DNAJC11: variants seen among roughly 807,000 people sequenced by gnomAD.
The protein encoded by DNAJC11 is dnaJ homolog subfamily C member 11.
In DNAJC11, 15 loss-of-function variants were observed where a neutral mutation model predicts 78.6. That is an observed-to-expected ratio of 0.19 (90% CI 0.13 to 0.29). The LOEUF (loss-of-function observed/expected upper bound fraction) is 0.29, where lower values mean the gene tolerates loss of function less well. Among genes scored for constraint, DNAJC11 ranks in the 10% least tolerant of loss-of-function variants. DNAJC11 has a pLI of 1.00. For synonymous variants in DNAJC11, 292 were observed against 272.1 expected (o/e 1.07, Z -0.72); for missense variants, 547 against 709.6 (o/e 0.77, Z 2.60).
intron 4 of DNAJC11, among the ~76,000 whole-genome samples, chr1:6,655,621 G>A (rs1642114591): frequency 6.6e-6 from 1 of 152,052 alleles, no homozygotes; most frequent in African/African-American, 2.4e-5. Context: ...TCAGGAGTTC[G>A]AGACCAGCCT....
chr1:6,688,466 C>T (rs1642692024), intron 1 of DNAJC11, among the ~76,000 whole-genome samples: 1 of 152,122 alleles, frequency 6.6e-6, no homozygotes, highest in African/African-American at 2.4e-5. Context: ...GCTTTAGAAA[C>T]CACTAGGGGC....
At chr1:6,647,330 G>A (rs1641981381) in intron 7 of DNAJC11, among the ~76,000 whole-genome samples, 1 of 151,882 alleles carries the variant, frequency 6.6e-6, no homozygotes, top group Non-Finnish European at 1.5e-5. Context: ...TGATCCACCT[G>A]CCTCAGCCTC....
chr1:6,687,451 G>A lies in DNAJC11; in HGVS notation c.73-6414C>T, dbSNP rs139381695. ...GGCTCACTGCAAGCTCCGCCTCCCG[G>A]GTTCATGCCATTCTCCTGCCTCAGC... On this transcript the variant is annotated intron_variant, in intron 1 of 15. Transcript: ENST00000377577. Among the ~76,000 whole-genome samples the A allele has an allele frequency of 8.6e-4, 130 of 151,214 alleles. 1 individual carries two copies. The East Asian group carries it at 0.024, about 28-fold the overall frequency.
At chr1:6,686,803 C>A (rs1203073962) in intron 1 of DNAJC11, among the ~76,000 whole-genome samples, 1 of 152,198 alleles carries the variant, frequency 6.6e-6, no homozygotes, top group African/African-American at 2.4e-5. Flanking sequence ...CTTAATAACA[C>A]CTCATATTTA....
chr1:6,647,912 C>A (rs1483177062), intron 7 of DNAJC11, among the ~76,000 whole-genome samples: 2 of 152,212 alleles, frequency 1.3e-5, no homozygotes, highest in Non-Finnish European at 2.9e-5. Context: ...TAAATCTGCT[C>A]AAGTCTAATA....
In DNAJC11 at chr1:6,701,773, G is replaced by A. The variant is rs770666056; in HGVS notation, c.28C>T (p.Leu10=). The A allele has an allele frequency of 5.1e-6, 8 of 1,566,224 alleles. 1 individual carries two copies. In the South Asian group the frequency reaches 7.0e-5, roughly 14 times the overall value. The change falls in exon 1 of 16, where the codon CTG becomes TTG. Residue 10 remains leucine (L), a synonymous_variant. Transcript: ENST00000377577. The stretch of plus-strand genomic sequence containing the variant: ...AACGAGTAATAGTCTTCATTGTCCA[G>A]CTCCTCCTCGCTCAAGGCCGTCGCC... The part of the protein sequence containing the change: MATALSEEE[L]DNEDYYSLLN...
At position 6,635,547 on chromosome 1, in the gene DNAJC11, A is replaced by C; in HGVS notation, c.*128T>G. On this transcript the variant is annotated 3_prime_UTR_variant, in exon 16 of 16. Coordinates refer to ENST00000377577, the MANE Select transcript of DNAJC11 (RefSeq NM_018198.4). ...TGCATGTCCCTTCACATAATTGATA[A>C]TGGTACCACCTTCTATAATAATAAT... The C allele has an allele frequency of 4.9e-6, 5 of 1,028,788 alleles. No individual in the cohort carries two copies. Among genetic ancestry groups the C allele is most frequent in the East Asian group, 2.6e-5 (1 of 37,944 alleles). 63.7% of individuals were successfully genotyped at this position (1,028,788 alleles called of 1,614,324 possible). A position where few individuals can be genotyped will look rare whatever the true frequency, so the allele number is the denominator to read the frequency against.
At chr1:6,647,578 G>C (rs143493502) in intron 7 of DNAJC11, among the ~76,000 whole-genome samples, 2 of 152,218 alleles carry the variant, frequency 1.3e-5, no homozygotes, top group Non-Finnish European at 2.9e-5. Flanking sequence ...CCAGCACTTT[G>C]GGAAGCCGAG....
At chr1:6,664,281 C>T (rs1053059351) in intron 4 of DNAJC11, among the ~76,000 whole-genome samples, 2 of 151,408 alleles carry the variant, frequency 1.3e-5, no homozygotes, top group Non-Finnish European at 2.9e-5. Context: ...ACTCTGTGGC[C>T]CAGGCTGGAG....
chr1:6,638,178 T>A, intron 12 of DNAJC11, 117 bp downstream of exon 12: 3 of 998,552 alleles, frequency 3.0e-6, no homozygotes, highest in Non-Finnish European at 4.4e-6. Context: ...AAAGACTAAG[T>A]GGAGAGCCAA....
In DNAJC11 at chr1:6,653,761, A is replaced by C; in HGVS notation, c.507+150T>G. On this transcript the variant is annotated intron_variant, in intron 5 of 15. Coordinates refer to ENST00000377577, the MANE Select transcript of DNAJC11 (RefSeq NM_018198.4). The surrounding 1 kb of genome is among the most constrained non-coding windows in gnomAD (Gnocchi z 4.5). ...CAGCGGTAACACACGGCTGGGAATG[A>C]AGCGCTTTCTTTTTTAAGTGGCTAA... 2.9e-6 allele frequency: 3 copies of C among 1,036,438 alleles called. No individual in the cohort carries two copies. The highest frequency in any genetic ancestry group is 4.1e-6 in the Non-Finnish European group (3 of 723,866). 64.2% of individuals were successfully genotyped at this position (1,036,438 alleles called of 1,614,324 possible). A position where few individuals can be genotyped will look rare whatever the true frequency, so the allele number is the denominator to read the frequency against.
intron 12 of DNAJC11, 26 bp from the exon 13 acceptor site, chr1:6,637,530 T>TC: frequency 6.2e-7 from 1 of 1,613,916 alleles, no homozygotes; most frequent in Non-Finnish European, 8.5e-7. Flanking sequence ...GATGACACAG[T>TC]CAGGGCCCTG....
chr1:6,652,641 T>C (rs1459179179), intron 6 of DNAJC11, among the ~76,000 whole-genome samples, 188 bp downstream of exon 6: 1 of 152,148 alleles, frequency 6.6e-6, no homozygotes, highest in Non-Finnish European at 1.5e-5. Context: ...GGTTTCACCA[T>C]GTTGGCCAGG....
intron 10 of DNAJC11, among the ~76,000 whole-genome samples, chr1:6,643,708 T>C (rs4338385): frequency 6.6e-6 from 1 of 152,126 alleles, no homozygotes; most frequent in Non-Finnish European, 1.5e-5. Flanking sequence ...GGAGATGCTG[T>C]GCCCGGGGGA....
intron 3 of DNAJC11, among the ~76,000 whole-genome samples, chr1:6,669,971 TG>T (rs1295006505): frequency 1.3e-5 from 2 of 151,922 alleles, no homozygotes; most frequent in African/African-American, 2.4e-5. Flanking sequence ...TTTTTTTTTT[TG>T]AGACGGAGTC....
chr1:6,674,453 C>T (rs1039759515), intron 3 of DNAJC11, among the ~76,000 whole-genome samples: 5 of 151,940 alleles, frequency 3.3e-5, no homozygotes, highest in East Asian at 1.9e-4. Context: ...TCCAGCTACT[C>T]GGGAGGCTGA....
chr1:6,699,126 CCT>C (rs1642885372), intron 1 of DNAJC11, among the ~76,000 whole-genome samples: 1 of 151,650 alleles, frequency 6.6e-6, no homozygotes, highest in South Asian at 2.1e-4. Context: ...ACAGAGAGAC[CCT>C]GTCTCTACAA....
At chr1:6,663,448 T>C (rs1045986870) in intron 4 of DNAJC11, among the ~76,000 whole-genome samples, 1 of 152,062 alleles carries the variant, frequency 6.6e-6, no homozygotes, top group Admixed American at 6.6e-5. Flanking sequence ...AGGGAGAAGA[T>C]TTATGGGTAT....
chr1:6,637,818 A>G (rs1641806637), intron 12 of DNAJC11: 6 of 486,948 alleles, frequency 1.2e-5, no homozygotes, highest in East Asian at 1.1e-4. Context: ...TAAAAAAACA[A>G]TGCGTTGTCA....
Sources: allele counts gnomAD v4.1 joint callset (sites outside exome capture counted in the v4.1 genomes callset), GRCh38; gene constraint gnomAD v4.1.1; non-coding constraint Gnocchi (gnomAD v3.1); transcripts MANE v1.5; gene names NCBI Gene and HGNC (gene_info 2026-07-23, HGNC 2026-07-21).